ATP9B: variants seen among roughly 807,000 people sequenced by gnomAD.
The protein encoded by ATP9B is probable phospholipid-transporting ATPase IIB.
A neutral mutation model predicts 146.1 loss-of-function variants in ATP9B; 110 were observed. The observed-to-expected ratio is 0.75, with a 90% CI of 0.65 to 0.88. ATP9B has a LOEUF of 0.88. Among genes scored for constraint, ATP9B ranks in the 40% least tolerant of loss-of-function variants. The pLI is 0.00. For missense variants in ATP9B, 1,499 were observed against 1,496.4 expected (o/e 1.00, Z -0.03); for synonymous variants, 604 against 569.7 (o/e 1.06, Z -0.86).
intron 26 of ATP9B, among the ~76,000 whole-genome samples, chr18:79,369,532 CAAAAA>C (rs67043260): frequency 1.6e-3 from 140 of 87,966 alleles, no homozygotes; most frequent in African/African-American, 5.6e-3. Flanking sequence ...GAGTCCGTCT[CAAAAA>C]AAAAAAAAAA....
chr18:79,215,073 G>C (rs1020354112), intron 11 of ATP9B, among the ~76,000 whole-genome samples: 2 of 151,610 alleles, frequency 1.3e-5, no homozygotes, highest in African/African-American at 4.9e-5. Context: ...GCTCAAACCC[G>C]GGAGGTGGCG....
chr18:79,145,016 G>A, intron 6 of ATP9B: 1 of 234,938 alleles, frequency 4.3e-6, no homozygotes, highest in East Asian at 1.3e-4. Context: ...GACTGAAGGT[G>A]CAAGCTGCAT....
At position 79,298,061 on chromosome 18, in the gene ATP9B, G is replaced by A. The variant is rs116619240; in HGVS notation, c.1412-5543G>A. Reference sequence around the variant, plus strand: ...ACGCTTTCCCTAGGTCAGGAAGGAAGCGAGGGTGCTTGTCCAACAGTGCCA... The same window carrying A: ...ACGCTTTCCCTAGGTCAGGAAGGAAACGAGGGTGCTTGTCCAACAGTGCCA... On this transcript the variant is annotated intron_variant, in intron 13 of 29. Coordinates refer to ENST00000426216, the MANE Select transcript of ATP9B (RefSeq NM_198531.5). Among the ~76,000 whole-genome samples the A allele has an allele frequency of 9.4e-3, 1,385 of 147,252 alleles. 151 individuals are homozygous for A. Among genetic ancestry groups the A allele is most frequent in the African/African-American group, 0.033 (1,330 of 40,098 alleles).
intron 17 of ATP9B, among the ~76,000 whole-genome samples, chr18:79,333,931 G>GAGAGGGAGTCA (rs1248030364): frequency 6.6e-6 from 1 of 152,224 alleles, no homozygotes; most frequent in Non-Finnish European, 1.5e-5. Context: ...TTTGAAATTT[G>GAGAGGGAGTCA]AGAGGGAGTC....
chr18:79,358,886 A>G (rs1300678135), intron 25 of ATP9B, among the ~76,000 whole-genome samples: 2 of 87,314 alleles, frequency 2.3e-5, no homozygotes, highest in Non-Finnish European at 4.5e-5. Flanking sequence ...TGTCTGTGTG[A>G]GGGACTCTGT....
intron 19 of ATP9B, among the ~76,000 whole-genome samples, chr18:79,338,688 A>G (rs2096840634): frequency 6.6e-6 from 1 of 152,190 alleles, no homozygotes; most frequent in African/African-American, 2.4e-5. Context: ...CTTCCTGCAC[A>G]GGGGAAATTG....
In ATP9B at chr18:79,185,716, A is replaced by C. The variant is rs370186129; in HGVS notation, c.874-7467A>C. Among the ~76,000 whole-genome samples, 31 of 152,304 alleles carry C rather than the reference A, an allele frequency of 2.0e-4. 3 individuals are homozygous for C. Among genetic ancestry groups the C allele is most frequent in the Admixed American group, 1.1e-3 (17 of 15,304 alleles). On this transcript the variant is annotated intron_variant, in intron 8 of 29. Transcript: ENST00000426216. The stretch of plus-strand genomic sequence containing the variant: ...TATGGGCAAGGCAATTGAGTTTTTC[A>C]TGTAATAGCTTATGCCCGTAATCAT...
At chr18:79,126,437 A>G in intron 5 of ATP9B, 62 bp downstream of exon 5, 1 of 1,132,914 alleles carries the variant, frequency 8.8e-7, no homozygotes, top group Non-Finnish European at 1.3e-6. Context: ...TTTAGAGTTA[A>G]CATAACAAAT....
chr18:79,141,889 C>T (rs1175344456), intron 5 of ATP9B, among the ~76,000 whole-genome samples: 1 of 152,232 alleles, frequency 6.6e-6, no homozygotes, highest in Non-Finnish European at 1.5e-5. Context: ...CACTGGTGGA[C>T]AGGTGTGTGA....
At chr18:79,209,794 C>A in intron 10 of ATP9B, 1 of 492,826 alleles carries the variant, frequency 2.0e-6, no homozygotes, top group Non-Finnish European at 2.6e-6. Flanking sequence ...TTAGTACATA[C>A]ATATCTTTAT....
At chr18:79,377,100 T>G in intron 29 of ATP9B, 147 bp from the exon 30 acceptor site, 1 of 899,192 alleles carries the variant, frequency 1.1e-6, no homozygotes. Context: ...AAACCTGAGA[T>G]TTGGAGCTGG....
chr18:79,080,360 C>T (rs1395547900), intron 1 of ATP9B, among the ~76,000 whole-genome samples: 1 of 152,086 alleles, frequency 6.6e-6, no homozygotes, highest in Non-Finnish European at 1.5e-5. Context: ...TCCTTCACAT[C>T]CCTTATAAGT....
In ATP9B at chr18:79,359,265, T is replaced by C. The variant is rs544242128; in HGVS notation, c.2904-89T>C. 6.1e-6 allele frequency: 6 copies of C among 976,278 alleles called. No homozygotes were observed. The East Asian group carries it at 7.5e-5, about 12-fold the overall frequency. The allele number at this position is 976,278 out of a possible 1,614,324, so 60.5% of individuals were successfully genotyped here. Reference sequence around the variant, plus strand: ...TTTGTGGAGTATTTTTTGGTGTTTTTGAAGCTGTGACCTCTAATCCAGAGG... The same window carrying C: ...TTTGTGGAGTATTTTTTGGTGTTTTCGAAGCTGTGACCTCTAATCCAGAGG... On this transcript the variant is annotated intron_variant, in intron 25 of 29. Coordinates refer to ENST00000426216, the MANE Select transcript of ATP9B (RefSeq NM_198531.5).
chr18:79,209,612 C>T lies in ATP9B; in HGVS notation c.1030+2600C>T, dbSNP rs537342383. 1.1e-5 allele frequency: 11 copies of T among 980,042 alleles called. No individual in the cohort carries two copies. The African/African-American group carries it at 1.7e-4, about 16-fold the overall frequency. 60.7% of individuals were successfully genotyped at this position (980,042 alleles called of 1,614,324 possible). A position where few individuals can be genotyped will look rare whatever the true frequency, so the allele number is the denominator to read the frequency against. On this transcript the variant is annotated intron_variant, in intron 10 of 29. Coordinates refer to ENST00000426216, the MANE Select transcript of ATP9B (RefSeq NM_198531.5). ...ACACTAATGAGGCATCGTAACATGCCGGCCCCATCCTGTCCATTCTGTTCT... is the reference window on the plus strand; with the variant it reads ...ACACTAATGAGGCATCGTAACATGCTGGCCCCATCCTGTCCATTCTGTTCT...
At chr18:79,169,947 A>G (rs559721756) in intron 7 of ATP9B, among the ~76,000 whole-genome samples, 227 of 152,328 alleles carry the variant, frequency 1.5e-3, no homozygotes, top group Non-Finnish European at 2.7e-3. Flanking sequence ...ACTTCCAGCA[A>G]AGTTACAAAA....
At chr18:79,083,995 A>G (rs1320662944) in intron 1 of ATP9B, among the ~76,000 whole-genome samples, 1 of 151,202 alleles carries the variant, frequency 6.6e-6, no homozygotes, top group African/African-American at 2.4e-5. Context: ...AGTAGCTGGC[A>G]CTACAGGCAC....
At chr18:79,180,823 C>T (rs1423576374) in intron 8 of ATP9B, among the ~76,000 whole-genome samples, 10 of 151,684 alleles carry the variant, frequency 6.6e-5, no homozygotes, top group Non-Finnish European at 1.3e-4. Flanking sequence ...GACAGAGTCT[C>T]GCTCTGTCAC....
intron 13 of ATP9B, among the ~76,000 whole-genome samples, chr18:79,302,360 C>T (rs2146446007): frequency 6.6e-6 from 1 of 151,516 alleles, no homozygotes; most frequent in East Asian, 2.0e-4. Context: ...GGTGAAAGCA[C>T]CACGCGTGGC....
chr18:79,274,944 G>A (rs1254917190), intron 12 of ATP9B, among the ~76,000 whole-genome samples: 1 of 152,218 alleles, frequency 6.6e-6, no homozygotes, highest in East Asian at 1.9e-4. Context: ...CGTGATTGAG[G>A]AGCAGCGCCC....
Sources: allele counts gnomAD v4.1 joint callset (sites outside exome capture counted in the v4.1 genomes callset), GRCh38; gene constraint gnomAD v4.1.1; transcripts MANE v1.5; gene names NCBI Gene and HGNC (gene_info 2026-07-23, HGNC 2026-07-21).